Variants in ZNF385D observed in about 807,000 individuals in gnomAD.
The protein encoded by ZNF385D is zinc finger protein 659.
A neutral mutation model predicts 35.8 loss-of-function variants in ZNF385D; 15 were observed. The ratio of observed to expected loss-of-function variants is 0.42; its 90% CI spans 0.28 to 0.64. The LOEUF (loss-of-function observed/expected upper bound fraction) is 0.64. Among genes scored for constraint, ZNF385D ranks in the 30% least tolerant of loss-of-function variants. The probability of loss-of-function intolerance (pLI) is 0.23; values close to 1 mark genes in which losing one functional copy is unlikely to be tolerated. For missense variants in ZNF385D, 474 were observed against 494.6 expected, an observed-to-expected ratio of 0.96 and a Z score of 0.39; for synonymous variants, 212 against 186.8, an observed-to-expected ratio of 1.13 and a Z score of -1.10.
At chr3:22,260,985 T>A (rs948873466) in intron 2 of ZNF385D, among the ~76,000 whole-genome samples, 7 of 152,010 alleles carry the variant, frequency 4.6e-5, no homozygotes, top group African/African-American at 7.2e-5. Context: ...ACTTAAAAAA[T>A]TTAAAGTGGC....
intron 2 of ZNF385D, among the ~76,000 whole-genome samples, chr3:21,574,155 C>G (rs1170637607): frequency 6.6e-6 from 1 of 151,376 alleles, no homozygotes; most frequent in Non-Finnish European, 1.5e-5. Flanking sequence ...AAAGAGACAA[C>G]TAGGCATCAA....
At chr3:21,974,083 A>C (rs906293045) in intron 3 of ZNF385D, among the ~76,000 whole-genome samples, 2 of 152,104 alleles carry the variant, frequency 1.3e-5, no homozygotes, top group Non-Finnish European at 2.9e-5. Flanking sequence ...TAAAATGTAT[A>C]TGGAACCACA....
intron 2 of ZNF385D, among the ~76,000 whole-genome samples, chr3:22,278,290 G>A (rs775905100): frequency 2.6e-5 from 4 of 152,090 alleles, no homozygotes; most frequent in Admixed American, 6.6e-5. Context: ...GTCACCGAGT[G>A]TATCATTGTG....
At chr3:21,652,022 T>C (rs2065931313) in intron 2 of ZNF385D, among the ~76,000 whole-genome samples, 3 of 152,190 alleles carry the variant, frequency 2.0e-5, no homozygotes, top group Admixed American at 6.5e-5. Flanking sequence ...TCCATTAGAA[T>C]TGATACTCAT....
At chr3:21,625,842 C>T (rs903399810) in intron 2 of ZNF385D, among the ~76,000 whole-genome samples, 1 of 152,106 alleles carries the variant, frequency 6.6e-6, no homozygotes, top group Admixed American at 6.6e-5. Flanking sequence ...CTTTTATCAT[C>T]ACAGAAAGTT....
At chr3:21,487,068 A>G (rs938805144) in intron 4 of ZNF385D, among the ~76,000 whole-genome samples, 2 of 152,124 alleles carry the variant, frequency 1.3e-5, no homozygotes, top group African/African-American at 2.4e-5. Context: ...ATTGAATCTA[A>G]TAAGTTCCTC....
Position 21,795,787 on chromosome 3 carries a change from A to T in ZNF385D, c.326-130759T>A, listed in dbSNP as rs560626492. Among the ~76,000 whole-genome samples, 8 of 152,366 alleles carry T rather than the reference A, an allele frequency of 5.3e-5. No individual in the cohort carries two copies. The East Asian group carries it at 9.6e-4, about 18-fold the overall frequency. ...TTTTCTCCCACTAATGCCACTTCAGATTATAGGCACTCAGTATGACTATCA... is the reference window on the plus strand; with the variant it reads ...TTTTCTCCCACTAATGCCACTTCAGTTTATAGGCACTCAGTATGACTATCA... On this transcript the variant is annotated intron_variant, in intron 3 of 5. Transcript: ENST00000494108.
At chr3:21,615,333 C>T (rs1250677002) in intron 2 of ZNF385D, among the ~76,000 whole-genome samples, 1 of 145,340 alleles carries the variant, frequency 6.9e-6, no homozygotes. Context: ...TCATCAGAAG[C>T]AGATGCTGGT....
At chr3:22,255,279 C>T (rs1386254104) in intron 2 of ZNF385D, among the ~76,000 whole-genome samples, 1 of 151,364 alleles carries the variant, frequency 6.6e-6, no homozygotes, top group Non-Finnish European at 1.5e-5. Context: ...ATTCCCCCCC[C>T]CAAAATTGTG....
intron 2 of ZNF385D, among the ~76,000 whole-genome samples, chr3:22,341,979 T>G (rs553891216): frequency 4.6e-5 from 7 of 152,200 alleles, no homozygotes; most frequent in Admixed American, 4.6e-4. Flanking sequence ...TTTAATGAAT[T>G]AAAAGACTGA....
chr3:22,111,062 A>G (rs1413826568), intron 3 of ZNF385D, among the ~76,000 whole-genome samples: 1 of 151,734 alleles, frequency 6.6e-6, no homozygotes, highest in East Asian at 1.9e-4. Flanking sequence ...CTATTAATTC[A>G]GACGTTGTAA....
At chr3:22,124,436 T>C (rs1703307852) in intron 3 of ZNF385D, among the ~76,000 whole-genome samples, 1 of 152,164 alleles carries the variant, frequency 6.6e-6, no homozygotes, top group Non-Finnish European at 1.5e-5. Context: ...TTTTAGGGTA[T>C]ACATACTTAG....
chr3:22,044,415 G>T (rs1404656084), intron 3 of ZNF385D, among the ~76,000 whole-genome samples: 1 of 151,990 alleles, frequency 6.6e-6, no homozygotes, highest in African/African-American at 2.4e-5. Context: ...CACTGTGTTT[G>T]GGGGATAGAG....
intron 1 of ZNF385D, among the ~76,000 whole-genome samples, chr3:21,683,116 A>G (rs1242488483): frequency 6.7e-6 from 1 of 149,648 alleles, no homozygotes; most frequent in African/African-American, 2.5e-5. Flanking sequence ...TGCTGATGCT[A>G]TTGGTACATG....
At chr3:22,030,260 T>C (rs1256328253) in intron 3 of ZNF385D, among the ~76,000 whole-genome samples, 1 of 65,058 alleles carries the variant, frequency 1.5e-5, no homozygotes, top group South Asian at 6.2e-4. Context: ...CTCATTCATA[T>C]ATATATATAT....
intron 3 of ZNF385D, among the ~76,000 whole-genome samples, chr3:21,981,970 G>A (rs1267250123): frequency 2.6e-5 from 4 of 151,714 alleles, no homozygotes; most frequent in African/African-American, 9.7e-5. Context: ...CTGTACCCTT[G>A]TAGTATAGTT....
At chr3:21,755,922 A>G (rs1345507209), upstream of ZNF385D, among the ~76,000 whole-genome samples, 1 of 152,226 alleles carries the variant, frequency 6.6e-6, no homozygotes, top group East Asian at 1.9e-4. Context: ...AACAAGGCCA[A>G]TATGCTAGAG....
intron 3 of ZNF385D, among the ~76,000 whole-genome samples, chr3:22,033,617 G>T (rs1443675094): frequency 6.6e-6 from 1 of 151,910 alleles, no homozygotes; most frequent in Admixed American, 6.6e-5. Context: ...TGCATTCTGA[G>T]AGCAAAATGC....
intron 3 of ZNF385D, among the ~76,000 whole-genome samples, chr3:21,868,601 G>A (rs377266469): frequency 5.9e-5 from 9 of 152,058 alleles, no homozygotes; most frequent in African/African-American, 2.2e-4. Flanking sequence ...ATATCTACCA[G>A]TTTAATGTGC....
Sources: allele counts gnomAD v4.1 joint callset (sites outside exome capture counted in the v4.1 genomes callset), GRCh38; gene constraint gnomAD v4.1.1; transcripts MANE v1.5; gene names NCBI Gene and HGNC (gene_info 2026-07-23, HGNC 2026-07-21).